DDAH1: variants seen among roughly 807,000 people sequenced by gnomAD.
DDAH1 encodes N(G),N(G)-dimethylarginine dimethylaminohydrolase 1.
DDAH1 carries 19 observed loss-of-function variants against 28.8 expected under a neutral mutation model. That is an observed-to-expected ratio of 0.66 (90% CI 0.46 to 0.97). The LOEUF is 0.97. Among genes scored for constraint, DDAH1 ranks in the 50% least tolerant of loss-of-function variants. The pLI is 0.00. For synonymous variants in DDAH1, 153 were observed against 154.4 expected, an observed-to-expected ratio of 0.99 and a Z score of 0.07; for missense variants, 326 against 375.9, an observed-to-expected ratio of 0.87 and a Z score of 1.10.
chr1:85,330,549 A>G (rs936479226), intron 4 of DDAH1, among the ~76,000 whole-genome samples: 7 of 152,094 alleles, frequency 4.6e-5, no homozygotes, highest in African/African-American at 1.7e-4. Flanking sequence ...TAAACCCTCC[A>G]CACGTCACCA....
At chr1:85,525,407 T>A (rs1386128074) in intron 1 of DDAH1, among the ~76,000 whole-genome samples, 5 of 152,324 alleles carry the variant, frequency 3.3e-5, no homozygotes, top group African/African-American at 1.2e-4. Context: ...GTCCTCTGGC[T>A]CATAGGAGAA....
intron 1 of DDAH1, among the ~76,000 whole-genome samples, chr1:85,536,166 G>T (rs767068754): frequency 2.0e-5 from 3 of 151,984 alleles, no homozygotes; most frequent in African/African-American, 7.2e-5. Context: ...GAACCCAGGA[G>T]GCAGAGGTTG....
chr1:85,351,450 T>C lies in DDAH1; in HGVS notation c.477+56A>G, dbSNP rs191665390. On this transcript the variant is annotated intron_variant, in intron 3 of 5. Transcript: ENST00000284031. The stretch of plus-strand genomic sequence containing the variant: ...ACTCATGACATTGATTCAATGGTTC[T>C]ATGATTATTTATTAAGTAATTGCTT... 195 of 1,359,924 alleles carry C rather than the reference T, an allele frequency of 1.4e-4. No homozygotes were observed. In the African/African-American group the frequency reaches 2.5e-3, roughly 17 times the overall value. The allele number at this position is 1,359,924 out of a possible 1,614,324, so 84.2% of individuals were successfully genotyped here.
chr1:85,416,136 C>T (rs1374745427), intron 1 of DDAH1, among the ~76,000 whole-genome samples: 3 of 152,074 alleles, frequency 2.0e-5, no homozygotes, highest in South Asian at 2.1e-4. Context: ...TAATTTACTT[C>T]GAGGTATGAA....
rs1661230632 is a variant in DDAH1 at position 85,319,364 on chromosome 1, A to C, written c.*2088T>G. ...CTGCAGAACAAATTGTTACAAAGAA[A>C]AATCTATTTGCTTGCAATTGATTAA... is the stretch of plus-strand genomic sequence containing the variant. On this transcript the variant is annotated 3_prime_UTR_variant, in exon 6 of 6. Transcript: ENST00000284031. The C allele has an allele frequency of 6.6e-6, 1 of 152,216 alleles. No individual in the cohort carries two copies. The allele number at this position is 152,216 out of a possible 1,614,324, so 9.4% of individuals were successfully genotyped here.
At chr1:85,404,492 A>T in intron 1 of DDAH1, 2 of 1,512,078 alleles carry the variant, frequency 1.3e-6, no homozygotes, top group Non-Finnish European at 1.8e-6. Context: ...ACTGAAGAAC[A>T]GTCTGACCCG....
intron 4 of DDAH1, among the ~76,000 whole-genome samples, chr1:85,346,167 G>A (rs1003106861): frequency 4.0e-5 from 6 of 151,450 alleles, no homozygotes; most frequent in Non-Finnish European, 8.8e-5. Context: ...AGTACTCAGA[G>A]AGCAGTGACA....
intron 1 of DDAH1, among the ~76,000 whole-genome samples, chr1:85,503,130 C>T (rs1259381348): frequency 6.6e-6 from 1 of 151,954 alleles, no homozygotes; most frequent in African/African-American, 2.4e-5. Context: ...TAAAAACAAA[C>T]ATTTTGTTTG....
chr1:85,366,187 G>A (rs779972780), intron 1 of DDAH1, among the ~76,000 whole-genome samples: 2 of 151,594 alleles, frequency 1.3e-5, no homozygotes, highest in Admixed American at 6.6e-5. Flanking sequence ...ATTTAATCAC[G>A]ATAATCTTTA....
chr1:85,443,388 C>A (rs650929), intron 1 of DDAH1, among the ~76,000 whole-genome samples: 1,624 of 152,138 alleles, frequency 0.011, 30 homozygotes, highest in African/African-American at 0.037. Flanking sequence ...TGGTCTATAT[C>A]TCTGTTTTGG....
intron 1 of DDAH1, among the ~76,000 whole-genome samples, chr1:85,446,496 T>G (rs1654431992): frequency 6.6e-6 from 1 of 152,190 alleles, no homozygotes; most frequent in African/African-American, 2.4e-5. Flanking sequence ...CCATATCAAT[T>G]GTCTACTGGT....
chr1:85,441,718 C>T (rs1654205760), intron 1 of DDAH1, among the ~76,000 whole-genome samples: 1 of 152,154 alleles, frequency 6.6e-6, no homozygotes, highest in Non-Finnish European at 1.5e-5. Flanking sequence ...CAAGTGACTA[C>T]TATGTGCTAG....
chr1:85,400,886 G>C (rs1268942137), intron 1 of DDAH1, among the ~76,000 whole-genome samples: 1 of 152,054 alleles, frequency 6.6e-6, no homozygotes, highest in Non-Finnish European at 1.5e-5. Flanking sequence ...TCTTTTGATT[G>C]GTTCTACCTT....
At chr1:85,395,542 C>T (rs950318093) in intron 1 of DDAH1, among the ~76,000 whole-genome samples, 2 of 151,898 alleles carry the variant, frequency 1.3e-5, no homozygotes, top group African/African-American at 4.8e-5. Flanking sequence ...CGTGGTGGTG[C>T]ATGCCTGTAA....
chr1:85,556,083 C>CCTCCTCCTCCTT (rs71075844), intron 1 of DDAH1, among the ~76,000 whole-genome samples: 35,460 of 147,928 alleles, frequency 0.24, 4,550 homozygotes, highest in Middle Eastern at 0.32. Context: ...GCCGCCGCCT[C>CCTCCTCCTCCTT]CTCCTCCTCC....
chr1:85,515,194 A>C (rs1479749078), intron 1 of DDAH1, among the ~76,000 whole-genome samples: 1 of 150,912 alleles, frequency 6.6e-6, no homozygotes, highest in African/African-American at 2.4e-5. Flanking sequence ...CTTCAAGCCC[A>C]GCCTGGCCAA....
At chr1:85,354,882 G>A (rs1372418600) in intron 2 of DDAH1, among the ~76,000 whole-genome samples, 1 of 151,822 alleles carries the variant, frequency 6.6e-6, no homozygotes, top group East Asian at 1.9e-4. Flanking sequence ...AACTTGAGAT[G>A]TAGAAAAAAA....
At chr1:85,350,811 G>T (rs1649157144) in intron 3 of DDAH1, among the ~76,000 whole-genome samples, 1 of 152,164 alleles carries the variant, frequency 6.6e-6, no homozygotes, top group South Asian at 2.1e-4. Context: ...TGAATATCCT[G>T]TGTAAACAGT....
At chr1:85,394,271 T>C (rs1228547851) in intron 1 of DDAH1, among the ~76,000 whole-genome samples, 1 of 152,142 alleles carries the variant, frequency 6.6e-6, no homozygotes, top group African/African-American at 2.4e-5. Context: ...GGAAAACAGG[T>C]TGTTATAAGG....
Sources: gnomAD v4.1 joint callset for allele counts (sites outside exome capture counted in the v4.1 genomes callset) on GRCh38, gnomAD v4.1.1 for gene constraint, MANE v1.5 for transcripts, NCBI Gene and HGNC (gene_info 2026-07-23, HGNC 2026-07-21) for gene names.